PITRM1: variants seen among roughly 807,000 people sequenced by gnomAD.
PITRM1 encodes the protein pitrilysin metallopeptidase 1.
Under a neutral mutation model 129.9 loss-of-function variants are expected in PITRM1, and 100 were observed. The ratio of observed to expected loss-of-function variants is 0.77; its 90% CI spans 0.65 to 0.91. The LOEUF (loss-of-function observed/expected upper bound fraction) is 0.91, where lower values mean the gene tolerates loss of function less well. PITRM1 is among the 40% of genes least tolerant of loss of function. PITRM1 has a pLI of 0.00. For missense variants in PITRM1, 1,471 were observed against 1,318.3 expected (o/e 1.12, Z -1.79); for synonymous variants, 591 against 508.8 (o/e 1.16, Z -2.17).
At chr10:3,157,566 A>G in intron 11 of PITRM1, 35 bp from the exon 12 acceptor site, 1 of 1,325,998 alleles carries the variant, frequency 7.5e-7, no homozygotes. Flanking sequence ...GATGGGCCAG[A>G]CACAATGGCT....
Position 3,151,513 on chromosome 10 carries a change from C to G in PITRM1, c.1622-150G>C, listed in dbSNP as rs1841515342. The G allele has an allele frequency of 8.2e-6, 5 of 608,674 alleles. No homozygotes were observed. In the South Asian group the frequency reaches 9.5e-5, roughly 12 times the overall value. 37.7% of individuals were successfully genotyped at this position (608,674 alleles called of 1,614,324 possible). A position where few individuals can be genotyped will look rare whatever the true frequency, so the allele number is the denominator to read the frequency against. ...GAGCACTGTGGTTTGCAAAGTATCT[C>G]CTATTTCCAGGCTGACCATATTTAG... On this transcript the variant is annotated intron_variant, in intron 14 of 26. Coordinates refer to ENST00000224949, the MANE Select transcript of PITRM1 (RefSeq NM_014889.4).
chr10:3,137,924 C>T lies in PITRM1; in HGVS notation c.*107G>A. ...TCGCCAGTCAAGGGCTTTGGCGACA[C>T]TCAATGACATAATATTCTTGGAAAA... On this transcript the variant is annotated 3_prime_UTR_variant, in exon 27 of 27. Transcript: ENST00000224949. 2 of 700,768 alleles carry T rather than the reference C, an allele frequency of 2.9e-6. No individual in the cohort carries two copies. The highest frequency in any genetic ancestry group is 4.9e-6 in the Non-Finnish European group (2 of 407,964). 43.4% of individuals were successfully genotyped at this position (700,768 alleles called of 1,614,324 possible).
rs1045252973 is a variant in PITRM1 at position 3,145,615 on chromosome 10, A to G, written c.2438T>C (p.Val813Ala). ...IGRSKKERRPVRPHTVEKPVP... is the reference protein window; with the variant it reads ...IGRSKKERRPARPHTVEKPVP... Reference sequence around the variant, plus strand: ...GCATACCTCGACCGTGTGTGGGCGCACAGGCCTCCGTTCCTTTTTACTCCG... The same window carrying G: ...GCATACCTCGACCGTGTGTGGGCGCGCAGGCCTCCGTTCCTTTTTACTCCG... The change falls in exon 21 of 27, where the codon GTG (valine) becomes GCG (alanine). Residue 813 changes from valine (V) to alanine (A), a missense_variant. Transcript: ENST00000224949. 2.0e-5 allele frequency: 31 copies of G among 1,550,002 alleles called. 1 individual carries two copies. The highest frequency in any genetic ancestry group is 4.5e-4 in the Middle Eastern group (2 of 4,414).
chr10:3,159,961 G>A, intron 8 of PITRM1, 25 bp from the exon 9 acceptor site: 2 of 1,498,760 alleles, frequency 1.3e-6, no homozygotes, highest in Non-Finnish European at 1.8e-6. Flanking sequence ...GACGTTGTGA[G>A]TAGGCACAGT....
intron 16 of PITRM1, chr10:3,149,349 CATCA>C (rs1841263639): frequency 3.3e-6 from 1 of 299,030 alleles, no homozygotes; most frequent in Non-Finnish European, 6.1e-6. Context: ...CGGATTAAAC[CATCA>C]ATCCTTTCCA....
intron 22 of PITRM1, chr10:3,143,842 A>G (rs981547485): frequency 1.6e-5 from 9 of 564,336 alleles, no homozygotes; most frequent in Admixed American, 1.1e-4. Context: ...ATTTCATATC[A>G]TATTATATCA....
intron 24 of PITRM1, among the ~76,000 whole-genome samples, chr10:3,140,285 G>C (rs1046459920): frequency 1.3e-5 from 2 of 152,254 alleles, no homozygotes; most frequent in African/African-American, 4.8e-5. Context: ...GACAGCGTCA[G>C]CTTTCATCCC....
intron 23 of PITRM1, chr10:3,142,939 T>A (rs1235889228): frequency 2.5e-5 from 4 of 160,568 alleles, no homozygotes; most frequent in African/African-American, 9.7e-5. Flanking sequence ...CCCCCATGGC[T>A]CTCCGGGTCA....
At chr10:3,160,366 G>C in intron 7 of PITRM1, 36 bp from the exon 8 acceptor site, 2 of 1,549,710 alleles carry the variant, frequency 1.3e-6, no homozygotes, top group Non-Finnish European at 1.8e-6. Flanking sequence ...GTCTGTTTTA[G>C]TTTAAAAGAT....
intron 23 of PITRM1, 71 bp downstream of exon 23, chr10:3,143,318 G>A (rs1237540406): frequency 1.0e-6 from 1 of 969,084 alleles, no homozygotes. Flanking sequence ...CACGCCCTGT[G>A]AACTCGAACA....
chr10:3,148,843 C>T (rs1416951965), intron 16 of PITRM1: 1 of 152,610 alleles, frequency 6.6e-6, no homozygotes, highest in Non-Finnish European at 1.5e-5. Flanking sequence ...GAGGTGTTTT[C>T]TAAACCGCTA....
rs73579025 is a variant in PITRM1 at position 3,155,710 on chromosome 10, G to A, written c.1502C>T (p.Thr501Ile). 2.3e-4 allele frequency: 375 copies of A among 1,613,848 alleles called. 1 individual carries two copies. In the African/African-American group the frequency reaches 4.5e-3, roughly 19 times the overall value. ...QYFKNNQHKL[T>I]LSMRPDDKYH... is the part of the protein sequence containing the mutation. ...CTTGTCATCTGGCCTCATCGATAAA[G>A]TCAGCTTATGCTGGTTATTCTGCAG... The change falls in exon 14 of 27, where the codon ACT becomes ATT. Residue 501 changes from threonine (T) to isoleucine (I), a missense_variant. Thr to Ile is a moderately conservative substitution (Grantham distance 89). Coordinates refer to ENST00000224949, the MANE Select transcript of PITRM1 (RefSeq NM_014889.4).
rs762563882 is a variant in PITRM1, at chr10:3,147,734, C to A, written c.2073G>T (p.Pro691=). The part of the protein sequence containing the change: ...MQLWSEIFNN[P]CFEEEEHFKV... ...TGAAGTGCTCCTCTTCTTCAAAGCA[C>A]GGGCTATGGAAAAAGGAGAAGAAAA... Residue 691 remains proline, a synonymous_variant, in exon 19 of 27, where the codon CCG becomes CCT. Coordinates refer to ENST00000224949, the MANE Select transcript of PITRM1 (RefSeq NM_014889.4). 2.0e-5 allele frequency: 31 copies of A among 1,583,136 alleles called. No individual in the cohort carries two copies. Among genetic ancestry groups the A allele is most frequent in the Non-Finnish European group, 2.4e-5 (28 of 1,168,186 alleles).
intron 18 of PITRM1, 107 bp from the exon 19 acceptor site, chr10:3,147,844 T>C: frequency 1.6e-6 from 2 of 1,221,992 alleles, no homozygotes; most frequent in South Asian, 1.5e-5. Context: ...ACCAAAGAAA[T>C]TTTATAAGTC....
At chr10:3,154,340 G>A (rs1459414311) in intron 14 of PITRM1, among the ~76,000 whole-genome samples, 1 of 152,198 alleles carries the variant, frequency 6.6e-6, no homozygotes, top group Admixed American at 6.5e-5. Flanking sequence ...GGGCTTTCCT[G>A]GTCCGTGCAT....
chr10:3,139,028 C>T lies in PITRM1; in HGVS notation c.2793G>A (p.Thr931=), dbSNP rs1482818416. ...CGACAGCCTTCCCAAAAGACTGGAG[C>T]GTCTCTATTGTATTTGGGTCCCTAG... ...YSYRDPNTIE[T]LQSFGKAVDW... The change falls in exon 25 of 27, where the codon ACG becomes ACA. Residue 931 remains threonine (T), a synonymous_variant. Coordinates refer to ENST00000224949, the MANE Select transcript of PITRM1 (RefSeq NM_014889.4). The T allele has an allele frequency of 1.9e-5, 30 of 1,613,718 alleles. No homozygotes were observed. Among genetic ancestry groups the T allele is most frequent in the Non-Finnish European group, 2.3e-5 (27 of 1,179,788 alleles).
Position 3,166,404 on chromosome 10 carries a change from C to T in PITRM1, c.267-24G>A, listed in dbSNP as rs373634602. 33 of 1,507,698 alleles carry T rather than the reference C, an allele frequency of 2.2e-5. No homozygotes were observed. The East Asian group carries it at 4.1e-4, about 19-fold the overall frequency. 93.4% of individuals were successfully genotyped at this position (1,507,698 alleles called of 1,614,324 possible). A position where few individuals can be genotyped will look rare whatever the true frequency, so the allele number is the denominator to read the frequency against. ...CGCTAGGGAAGGAGAATGACCAGAACGCAAAAGGTTCAGCTTAGTGCTGCG... is the reference window on the plus strand; with the variant it reads ...CGCTAGGGAAGGAGAATGACCAGAATGCAAAAGGTTCAGCTTAGTGCTGCG... On this transcript the variant is annotated intron_variant, in intron 3 of 26. Transcript: ENST00000224949.
At chr10:3,141,798 T>C in intron 23 of PITRM1, 4 of 349,346 alleles carry the variant, frequency 1.1e-5, no homozygotes, top group South Asian at 8.9e-5. Flanking sequence ...AGTGGGCGTG[T>C]TCCCAGGGGC....
chr10:3,151,720 T>G (rs1173830244), intron 14 of PITRM1, among the ~76,000 whole-genome samples: 1 of 152,186 alleles, frequency 6.6e-6, no homozygotes, highest in Admixed American at 6.5e-5. Flanking sequence ...GGACTGAAAT[T>G]TAGTGATCTT....
Sources: allele counts gnomAD v4.1 joint callset (sites outside exome capture counted in the v4.1 genomes callset), GRCh38; gene constraint gnomAD v4.1.1; transcripts MANE v1.5; gene names NCBI Gene and HGNC (gene_info 2026-07-23, HGNC 2026-07-21).